ENOX1: variants seen among roughly 807,000 people sequenced by gnomAD.
ENOX1 encodes candidate growth-related and time keeping constitutive hydroquinone (NADH) oxidase.
In ENOX1, 42 loss-of-function variants were observed where a neutral mutation model predicts 82.5. The observed-to-expected ratio is 0.51, with a 90% confidence interval of 0.40 to 0.66. The LOEUF (loss-of-function observed/expected upper bound fraction) is 0.66, where lower values mean the gene tolerates loss of function less well. Ranked by LOEUF, ENOX1 falls within the 30% of genes least tolerant of loss-of-function variation. ENOX1 has a pLI of 0.00. For missense variants in ENOX1, 608 were observed against 811.6 expected (o/e 0.75, Z 3.05); for synonymous variants, 271 against 282.2 (o/e 0.96, Z 0.40).
chr13:43,602,340 T>C (rs868072149), intron 2 of ENOX1, among the ~76,000 whole-genome samples: 1 of 151,984 alleles, frequency 6.6e-6, no homozygotes, highest in Non-Finnish European at 1.5e-5. Context: ...GCAAAAGATA[T>C]AAACAGGCAA....
intron 2 of ENOX1, among the ~76,000 whole-genome samples, chr13:43,513,369 G>A (rs2077442553): frequency 6.6e-6 from 1 of 152,122 alleles, no homozygotes; most frequent in South Asian, 2.1e-4. Context: ...GAGAAAACAA[G>A]GGGCAAAGCG....
chr13:43,264,979 G>A (rs2044285815), intron 14 of ENOX1, among the ~76,000 whole-genome samples: 1 of 152,106 alleles, frequency 6.6e-6, no homozygotes, highest in South Asian at 2.1e-4. Flanking sequence ...TGAGAGAAGG[G>A]GTTTTCTCTG....
intron 14 of ENOX1, among the ~76,000 whole-genome samples, chr13:43,248,125 T>G (rs1006212322): frequency 1.3e-5 from 2 of 151,096 alleles, no homozygotes; most frequent in African/African-American, 4.9e-5. Context: ...GACCTCGTGA[T>G]CCGCCCGCCT....
At position 43,716,246 on chromosome 13, in the gene ENOX1, G is replaced by A. The variant is rs2088122613; in HGVS notation, c.-284-48702C>T. Reference sequence around the variant, plus strand: ...GTACAGATGGGTTTTTGGTGTGGATGTCCTTTCTGTTTGTTAGTTTTCCTT... The same window carrying A: ...GTACAGATGGGTTTTTGGTGTGGATATCCTTTCTGTTTGTTAGTTTTCCTT... On this transcript the variant is annotated intron_variant, in intron 1 of 16. Transcript: ENST00000690772. Among the ~76,000 whole-genome samples, 2 of 152,122 alleles carry A rather than the reference G, an allele frequency of 1.3e-5. 1 individual carries two copies. Among genetic ancestry groups the A allele is most frequent in the South Asian group, 4.1e-4 (2 of 4,832 alleles).
intron 5 of ENOX1, among the ~76,000 whole-genome samples, chr13:43,377,474 C>T (rs2051721029): frequency 1.3e-5 from 2 of 152,212 alleles, no homozygotes; most frequent in Non-Finnish European, 2.9e-5. Context: ...ATACTCCCCA[C>T]CTCACATTTG....
intron 1 of ENOX1, among the ~76,000 whole-genome samples, chr13:43,767,634 G>A (rs1951356012): frequency 6.6e-6 from 1 of 152,248 alleles, no homozygotes; most frequent in South Asian, 2.1e-4. Flanking sequence ...CAGATATGCT[G>A]TAATGGGTTC....
chr13:43,496,912 G>C (rs890283809), intron 2 of ENOX1, among the ~76,000 whole-genome samples: 2 of 151,902 alleles, frequency 1.3e-5, no homozygotes, highest in African/African-American at 4.8e-5. Context: ...ACACTAATAA[G>C]TCCTTATAAT....
chr13:43,751,560 G>C (rs1950321215), intron 1 of ENOX1, among the ~76,000 whole-genome samples: 1 of 152,026 alleles, frequency 6.6e-6, no homozygotes, highest in South Asian at 2.1e-4. Context: ...TCATCCCCAG[G>C]GAACGACTGA....
At chr13:43,322,339 G>A in intron 11 of ENOX1, 45 bp downstream of exon 11, 1 of 1,460,930 alleles carries the variant, frequency 6.8e-7, no homozygotes, top group Non-Finnish European at 9.5e-7. Context: ...AGATTTGGAA[G>A]ATCATTATGA....
intron 11 of ENOX1, among the ~76,000 whole-genome samples, chr13:43,303,737 T>C (rs947166459): frequency 1.3e-5 from 2 of 152,166 alleles, no homozygotes; most frequent in African/African-American, 2.4e-5. Context: ...CCCAGTGTTC[T>C]CCAAACATTG....
At chr13:43,610,800 C>T (rs1382423311) in intron 2 of ENOX1, among the ~76,000 whole-genome samples, 1 of 151,298 alleles carries the variant, frequency 6.6e-6, no homozygotes. Context: ...CAGGAAAATG[C>T]TTGGAAAGCA....
At chr13:43,282,822 G>A (rs1056755696) in intron 12 of ENOX1, among the ~76,000 whole-genome samples, 2 of 151,962 alleles carry the variant, frequency 1.3e-5, no homozygotes, top group South Asian at 2.1e-4. Context: ...GCCAGGCGCG[G>A]TGGCTTATGC....
chr13:43,735,349 G>A (rs994887157), intron 1 of ENOX1, among the ~76,000 whole-genome samples: 1 of 152,080 alleles, frequency 6.6e-6, no homozygotes, highest in Admixed American at 6.6e-5. Flanking sequence ...TTACCAAACT[G>A]AGACAAACAA....
chr13:43,397,842 TAACA>T (rs1335337892), intron 5 of ENOX1, among the ~76,000 whole-genome samples: 1 of 152,212 alleles, frequency 6.6e-6, no homozygotes, highest in African/African-American at 2.4e-5. Context: ...GGAGCTTCTG[TAACA>T]AATACTACAG....
chr13:43,703,244 A>G (rs1006271822), intron 1 of ENOX1, among the ~76,000 whole-genome samples: 1 of 152,192 alleles, frequency 6.6e-6, no homozygotes, highest in African/African-American at 2.4e-5. Flanking sequence ...AAAAATGGGT[A>G]GTGTTCTTTC....
chr13:43,670,569 T>C (rs1296208868), intron 1 of ENOX1, among the ~76,000 whole-genome samples: 1 of 151,988 alleles, frequency 6.6e-6, no homozygotes, highest in Non-Finnish European at 1.5e-5. Context: ...TGAAGGAAAA[T>C]AGGGCTGGGA....
intron 3 of ENOX1, among the ~76,000 whole-genome samples, chr13:43,422,566 G>T (rs1353601873): frequency 1.3e-5 from 2 of 152,090 alleles, no homozygotes. Context: ...AGAGGACATG[G>T]TTTCTAAATG....
chr13:43,734,371 T>G (rs1283668869), intron 1 of ENOX1, among the ~76,000 whole-genome samples: 1 of 152,204 alleles, frequency 6.6e-6, no homozygotes, highest in Non-Finnish European at 1.5e-5. Context: ...CTGTGTTAGA[T>G]GCTATAGAAC....
At chr13:43,681,133 G>T (rs1458752488) in intron 1 of ENOX1, among the ~76,000 whole-genome samples, 1 of 152,082 alleles carries the variant, frequency 6.6e-6, no homozygotes, top group African/African-American at 2.4e-5. Flanking sequence ...CCTTCCTCAA[G>T]CATTGAGCTA....
Sources: allele counts gnomAD v4.1 joint callset (sites outside exome capture counted in the v4.1 genomes callset), GRCh38; gene constraint gnomAD v4.1.1; transcripts MANE v1.5; gene names NCBI Gene and HGNC (gene_info 2026-07-23, HGNC 2026-07-21).